LDLRAD4: variants seen among roughly 807,000 people sequenced by gnomAD.
The protein encoded by LDLRAD4 is low-density lipoprotein receptor class A domain-containing protein 4.
In LDLRAD4, 5 loss-of-function variants were observed where a neutral mutation model predicts 17.0. That is an observed-to-expected ratio of 0.29 (90% confidence interval 0.15 to 0.62). The LOEUF (loss-of-function observed/expected upper bound fraction) is 0.62. Ranked by LOEUF, LDLRAD4 falls within the 20% of genes least tolerant of loss-of-function variation. The pLI is 0.84. For synonymous variants in LDLRAD4, 168 were observed against 171.8 expected, an observed-to-expected ratio of 0.98 and a Z score of 0.17; for missense variants, 340 against 424.7, an observed-to-expected ratio of 0.80 and a Z score of 1.75.
intron 3 of LDLRAD4, among the ~76,000 whole-genome samples, chr18:13,559,741 A>C (rs924455282): frequency 1.7e-4 from 26 of 152,236 alleles, no homozygotes; most frequent in Non-Finnish European, 5.9e-5. Flanking sequence ...GGGTTCAGAC[A>C]GCAGCTCTGC....
At chr18:13,631,070 A>ACGTGGACGCATGGCAGCAGGCGACAGCC (rs2041621334) in intron 4 of LDLRAD4, among the ~76,000 whole-genome samples, 2 of 152,230 alleles carry the variant, frequency 1.3e-5, no homozygotes, top group Admixed American at 1.3e-4. Flanking sequence ...GGCCTTGCAC[A>ACGTGGACGCATGGCAGCAGGCGACAGCC]CGTGGACGCA....
chr18:13,377,102 C>T (rs1368462813), intron 1 of LDLRAD4, among the ~76,000 whole-genome samples: 4 of 152,212 alleles, frequency 2.6e-5, no homozygotes, highest in South Asian at 4.1e-4. Context: ...CGTCAGAAGG[C>T]TTAGTGTGCC....
intron 1 of LDLRAD4, chr18:13,362,589 T>C (rs180754160): frequency 5.9e-5 from 9 of 152,268 alleles, no homozygotes; most frequent in Admixed American, 5.9e-4. Context: ...TGGACCTTAA[T>C]AGAAATATGA....
intron 3 of LDLRAD4, among the ~76,000 whole-genome samples, chr18:13,602,422 C>T (rs2095173737): frequency 6.6e-6 from 1 of 151,718 alleles, no homozygotes; most frequent in South Asian, 2.1e-4. Flanking sequence ...ATATTGGTTG[C>T]TTTGGGAATC....
At chr18:13,218,924 T>G (rs2041289562) in exon 1 of LDLRAD4, 1 of 152,226 alleles carries the variant, frequency 6.6e-6, no homozygotes, top group Non-Finnish European at 1.5e-5. Flanking sequence ...CTGCACAGCC[T>G]TTAGGAAGCT....
At chr18:13,217,958 G>GCGCCGCGCTCCCCGCCGGCC (rs1369014111), upstream of LDLRAD4, 3 of 148,682 alleles carry the variant, frequency 2.0e-5, no homozygotes, top group South Asian at 2.1e-4. The surrounding 1 kb of genome is among the most constrained non-coding windows in gnomAD (Gnocchi z 4.9). Flanking sequence ...GAACCCCGGC[G>GCGCCGCGCTCCCCGCCGGCC]CGCCGCGCTC....
At chr18:13,359,600 AT>A (rs2083542452) in intron 1 of LDLRAD4, among the ~76,000 whole-genome samples, 1 of 152,190 alleles carries the variant, frequency 6.6e-6, no homozygotes, top group Non-Finnish European at 1.5e-5. Context: ...AAGGGATTTA[AT>A]TTTTTAATTG....
intron 3 of LDLRAD4, among the ~76,000 whole-genome samples, chr18:13,463,416 G>A (rs2092506765): frequency 6.6e-6 from 1 of 152,208 alleles, no homozygotes; most frequent in Non-Finnish European, 1.5e-5. Context: ...AAGGGAACAG[G>A]ATGCCTTCTC....
At chr18:13,297,069 C>G (rs1449614770) in intron 1 of LDLRAD4, among the ~76,000 whole-genome samples, 4 of 152,166 alleles carry the variant, frequency 2.6e-5, no homozygotes, top group Non-Finnish European at 5.9e-5. Flanking sequence ...GAGCGCCTGG[C>G]CTTTCATGGT....
At chr18:13,235,993 A>G (rs1477528989) in intron 1 of LDLRAD4, among the ~76,000 whole-genome samples, 1 of 152,236 alleles carries the variant, frequency 6.6e-6, no homozygotes, top group Non-Finnish European at 1.5e-5. Context: ...TCCTGTTTTT[A>G]TAATGAGAAA....
Position 13,349,865 on chromosome 18 carries a change from C to T in LDLRAD4, c.-382-37476C>T, listed in dbSNP as rs145043333. 5.3e-5 allele frequency among the ~76,000 whole-genome samples: 8 copies of T among 151,818 alleles called. No homozygotes were observed. The East Asian group carries it at 7.8e-4, about 15-fold the overall frequency. The stretch of plus-strand genomic sequence containing the variant: ...GTTCTCACTATTCAACTCCCACTTA[C>T]GAGTGAGAACATGTGGTGTTTGGTT... On this transcript the variant is annotated intron_variant, in intron 1 of 5. Coordinates refer to ENST00000359446, the Ensembl canonical transcript of LDLRAD4.
intron 1 of LDLRAD4, among the ~76,000 whole-genome samples, chr18:13,358,586 T>G (rs142596737): frequency 3.9e-3 from 588 of 152,298 alleles, no homozygotes; most frequent in African/African-American, 0.013. Context: ...CCCTCAAATG[T>G]GATAAATCAA....
intron 3 of LDLRAD4, among the ~76,000 whole-genome samples, chr18:13,495,026 T>G (rs1249544346): frequency 1.3e-5 from 2 of 152,066 alleles, no homozygotes; most frequent in Non-Finnish European, 2.9e-5. Context: ...TAAGGTCTCA[T>G]TTGGCATCAA....
chr18:13,612,479 G>A (rs528134096), intron 3 of LDLRAD4: 68 of 1,326,748 alleles, frequency 5.1e-5, no homozygotes, highest in Non-Finnish European at 6.3e-5. Context: ...CAGCATTTGA[G>A]TCTAGCACCT....
chr18:13,256,525 C>CA (rs1458008780), intron 1 of LDLRAD4, among the ~76,000 whole-genome samples: 1 of 152,208 alleles, frequency 6.6e-6, no homozygotes, highest in East Asian at 1.9e-4. Context: ...AGTTTTAAAA[C>CA]ATTCTGAGGA....
At chr18:13,616,341 G>C (rs2148765992) in intron 3 of LDLRAD4, among the ~76,000 whole-genome samples, 1 of 152,222 alleles carries the variant, frequency 6.6e-6, no homozygotes, top group African/African-American at 2.4e-5. Context: ...TCAGGGTCTG[G>C]GAATCCTCAC....
intron 2 of LDLRAD4, among the ~76,000 whole-genome samples, chr18:13,427,114 A>G (rs558374378): frequency 5.3e-5 from 8 of 152,336 alleles, no homozygotes; most frequent in African/African-American, 1.7e-4. Flanking sequence ...TGAACCCAGG[A>G]GGCGGAGATT....
intron 1 of LDLRAD4, among the ~76,000 whole-genome samples, chr18:13,358,761 A>T (rs889171317): frequency 3.3e-5 from 5 of 152,200 alleles, no homozygotes; most frequent in African/African-American, 1.2e-4. Flanking sequence ...TGATACTTAG[A>T]AAGTTGGCTT....
intron 1 of LDLRAD4, among the ~76,000 whole-genome samples, chr18:13,352,087 T>C (rs934365575): frequency 6.6e-6 from 1 of 152,220 alleles, no homozygotes; most frequent in East Asian, 1.9e-4. Flanking sequence ...AAACTCTCAA[T>C]AAACTATGTC....
Sources: gnomAD v4.1 joint callset for allele counts (sites outside exome capture counted in the v4.1 genomes callset) on GRCh38, gnomAD v4.1.1 for gene constraint, Gnocchi (gnomAD v3.1) non-coding constraint, MANE v1.5 for transcripts, NCBI Gene and HGNC (gene_info 2026-07-23, HGNC 2026-07-21) for gene names.